The following FADS1 variants were observed in gnomAD, a reference collection of about 807,000 sequenced individuals.
The protein encoded by FADS1 is fatty acid desaturase 1, also known as acyl-CoA (8-3)-desaturase.
Under a neutral mutation model 61.6 loss-of-function variants are expected in FADS1, and 17 were observed. The ratio of observed to expected loss-of-function variants is 0.28; its 90% CI spans 0.19 to 0.41. FADS1 has a LOEUF of 0.41. Among genes scored for constraint, FADS1 ranks in the 10% least tolerant of loss-of-function variants. The pLI is 1.00. For missense variants in FADS1, 387 were observed against 650.9 expected (o/e 0.59, Z 4.41); for synonymous variants, 238 against 258.7 (o/e 0.92, Z 0.77).
intron 1 of FADS1, 52 bp from the exon 2 acceptor site, chr11:61,813,405 C>T (rs752844418): frequency 8.4e-6 from 9 of 1,077,828 alleles, no homozygotes; most frequent in South Asian, 3.8e-5. Context: ...CCCTGGACTC[C>T]GGCAGTGTTC....
Position 61,810,841 on chromosome 11 carries a change from C to T in FADS1, c.825G>A (p.Gln275=). The T allele has an allele frequency of 3.7e-6, 6 of 1,614,154 alleles. No individual in the cohort carries two copies. Among genetic ancestry groups the T allele is most frequent in the Non-Finnish European group, 5.1e-6 (6 of 1,180,026 alleles). The change falls in exon 5 of 12, where the codon CAG becomes CAA. Residue 275 remains glutamine, a synonymous_variant. Transcript: ENST00000350997. ...PASWWNHMHF[Q]HHAKPNCFRK... is the part of the protein sequence containing the mutation. ...GGAAGCAGTTGGGCTTGGCATGGTGCTGGAAGTGCATGTGGTTCCACCAAC... is the reference window on the plus strand; with the variant it reads ...GGAAGCAGTTGGGCTTGGCATGGTGTTGGAAGTGCATGTGGTTCCACCAAC...
At position 61,811,057 on chromosome 11, in the gene FADS1, G is replaced by GCAGC. The variant is rs1221243188; in HGVS notation, c.699_702dup (p.Gln235AlafsTer4). 6.2e-7 allele frequency: 1 copy of GCAGC among 1,613,356 alleles called. No homozygotes were observed. On this transcript the variant is annotated frameshift_variant, in exon 4 of 12. Transcript: ENST00000350997. LOFTEE classifies it high-confidence loss of function. ...ACCGACAGGTGCCCAAAGTCATGCT[G>GCAGC]CAGCCAGCCAGCCTGGGCCTAGGTG...
chr11:61,801,366 C>A lies in FADS1; in HGVS notation c.*1045G>T, dbSNP rs1191396680. On this transcript the variant is annotated 3_prime_UTR_variant, in exon 12 of 12. Transcript: ENST00000350997. ...AAAAGACTAACTTGTCCCATCTGCT[C>A]ACTTGCTTATGGAGCTAAAAGACCC... The A allele has an allele frequency of 6.6e-6, 1 of 152,328 alleles. No homozygotes were observed. The highest frequency in any genetic ancestry group is 1.5e-5 in the Non-Finnish European group (1 of 68,036). 9.4% of individuals were successfully genotyped at this position (152,328 alleles called of 1,614,324 possible). A position where few individuals can be genotyped will look rare whatever the true frequency, so the allele number is the denominator to read the frequency against.
In FADS1 at chr11:61,803,950, A is replaced by T; in HGVS notation, c.1054-183T>A. 3.3e-6 allele frequency: 2 copies of T among 604,304 alleles called. No individual in the cohort carries two copies. Among genetic ancestry groups the T allele is most frequent in the Non-Finnish European group, 5.9e-6 (2 of 338,444 alleles). 37.4% of individuals were successfully genotyped at this position (604,304 alleles called of 1,614,324 possible). ...GCTCCTTTCTTCCATTCCCATTGGC[A>T]CCCCCCAGCCCTTCTTGCATGTCCC... On this transcript the variant is annotated intron_variant, in intron 7 of 11. Transcript: ENST00000350997. This position sits in a 1 kb window ranked among gnomAD's most constrained non-coding sequence, Gnocchi z 4.3.
At chr11:61,813,825 C>T (rs530973451) in intron 1 of FADS1, among the ~76,000 whole-genome samples, 244 of 151,876 alleles carry the variant, frequency 1.6e-3, no homozygotes, top group African/African-American at 5.6e-3. Context: ...ATTAGCCGGG[C>T]GAGGTAGCGG....
rs901802052 is a variant in FADS1, at chr11:61,815,691, T to G, written c.375+864A>C. 1.9e-5 allele frequency: 3 copies of G among 155,096 alleles called. No homozygotes were observed. Among genetic ancestry groups the G allele is most frequent in the African/African-American group, 7.2e-5 (3 of 41,402 alleles). 9.6% of individuals were successfully genotyped at this position (155,096 alleles called of 1,614,324 possible). On this transcript the variant is annotated intron_variant, in intron 1 of 11. Transcript: ENST00000350997. This position sits in a 1 kb window ranked among gnomAD's most constrained non-coding sequence, Gnocchi z 6.4. ...GGGGCCTTAGCTCTGAGGGCTGTGG[T>G]CTAGAAAGGGAAGCAGCAGGCCTGG...
chr11:61,806,591 A>C (rs1591151272), intron 6 of FADS1, 73 bp downstream of exon 6: 1 of 1,348,132 alleles, frequency 7.4e-7, no homozygotes, highest in Non-Finnish European at 1.1e-6. Flanking sequence ...AATCCCTTGG[A>C]CAGCCACATC....
intron 5 of FADS1, among the ~76,000 whole-genome samples, chr11:61,808,538 G>C (rs555053794): frequency 6.6e-6 from 1 of 152,172 alleles, no homozygotes; most frequent in East Asian, 1.9e-4. Context: ...GGAGGGGCAG[G>C]GGACACTGCC....
chr11:61,809,500 G>A (rs777365709), intron 5 of FADS1, among the ~76,000 whole-genome samples: 10 of 152,072 alleles, frequency 6.6e-5, no homozygotes, highest in Non-Finnish European at 1.0e-4. Context: ...TGCCAACTGC[G>A]TCCCTTCATT....
rs577380024 is a variant in FADS1, at chr11:61,816,971, G to T, written c.-42C>A. The T allele has an allele frequency of 9.9e-5, 136 of 1,368,080 alleles. 2 individuals are homozygous for T. The South Asian group carries it at 2.2e-3, about 22-fold the overall frequency. The allele number at this position is 1,368,080 out of a possible 1,614,324, so 84.7% of individuals were successfully genotyped here. A position where few individuals can be genotyped will look rare whatever the true frequency, so the allele number is the denominator to read the frequency against. ...CGCGGGGAGCGAGATCCCGTCCCCCGGTGGGTCTTGGGCAACTCACAGCTG... is the reference window on the plus strand; with the variant it reads ...CGCGGGGAGCGAGATCCCGTCCCCCTGTGGGTCTTGGGCAACTCACAGCTG... On this transcript the variant is annotated 5_prime_UTR_variant, in exon 1 of 12. Transcript: ENST00000350997. This position sits in a 1 kb window ranked among gnomAD's most constrained non-coding sequence, Gnocchi z 7.0.
chr11:61,802,361 G>A lies in FADS1; in HGVS notation c.*50C>T. On this transcript the variant is annotated 3_prime_UTR_variant, in exon 12 of 12. Coordinates refer to ENST00000350997, the MANE Select transcript of FADS1 (RefSeq NM_013402.7). This position sits in a 1 kb window ranked among gnomAD's most constrained non-coding sequence, Gnocchi z 4.2. Reference sequence around the variant, plus strand: ...TGTCCCTCAAGCTCCCCTCTGCCTTGGCTCCAGAGTCTTCCTCCTCTTCTT... The same window carrying A: ...TGTCCCTCAAGCTCCCCTCTGCCTTAGCTCCAGAGTCTTCCTCCTCTTCTT... The A allele has an allele frequency of 6.7e-7, 1 of 1,496,002 alleles. No individual in the cohort carries two copies. 92.7% of individuals were successfully genotyped at this position (1,496,002 alleles called of 1,614,324 possible). A position where few individuals can be genotyped will look rare whatever the true frequency, so the allele number is the denominator to read the frequency against.
chr11:61,812,757 C>T, intron 2 of FADS1, 89 bp from the exon 3 acceptor site: 1 of 1,188,822 alleles, frequency 8.4e-7, no homozygotes, highest in Non-Finnish European at 1.2e-6. Context: ...AAGGACCTCC[C>T]ACTGAGGTAG....
At position 61,802,926 on chromosome 11, in the gene FADS1, A is replaced by G. The variant is rs746711717; in HGVS notation, c.1329T>C (p.His443=). The G allele has an allele frequency of 4.3e-6, 7 of 1,613,528 alleles. No individual in the cohort carries two copies. Among genetic ancestry groups the G allele is most frequent in the Non-Finnish European group, 4.2e-6 (5 of 1,179,590 alleles). ...SGHLNFQIEH[H]LFPTMPRHNY... ...TGTGTCGAGGCATCGTGGGAAAAAG[A>G]CTTTAGGGAGAACGGGGGAGTCAGT... Residue 443 remains histidine, a splice_region_variant and synonymous_variant, in exon 11 of 12, where the codon CAT becomes CAC. Transcript: ENST00000350997. This position sits in a 1 kb window ranked among gnomAD's most constrained non-coding sequence, Gnocchi z 4.2.
Position 61,808,324 on chromosome 11 carries a change from A to G in FADS1, c.916-1600T>C, listed in dbSNP as rs552022446. On this transcript the variant is annotated intron_variant, in intron 5 of 11. Transcript: ENST00000350997. ...GCACTTCAGCCTGGGTGACAGAGCGAGACTCTGTCTCAAAAAAAAAAAAAA... is the reference window on the plus strand; with the variant it reads ...GCACTTCAGCCTGGGTGACAGAGCGGGACTCTGTCTCAAAAAAAAAAAAAA... Among the ~76,000 whole-genome samples, 3 of 147,934 alleles carry G rather than the reference A, an allele frequency of 2.0e-5. No individual in the cohort carries two copies. The South Asian group carries it at 6.4e-4, about 32-fold the overall frequency.
In FADS1 at chr11:61,806,799, T is replaced by C. The variant is rs1591151408; in HGVS notation, c.916-75A>G. 7.6e-6 allele frequency: 11 copies of C among 1,442,950 alleles called. No homozygotes were observed. In the East Asian group the frequency reaches 2.5e-4, roughly 33 times the overall value. 89.4% of individuals were successfully genotyped at this position (1,442,950 alleles called of 1,614,324 possible). A position where few individuals can be genotyped will look rare whatever the true frequency, so the allele number is the denominator to read the frequency against. On this transcript the variant is annotated intron_variant, in intron 5 of 11. Coordinates refer to ENST00000350997, the MANE Select transcript of FADS1 (RefSeq NM_013402.7). Reference sequence around the variant, plus strand: ...CTCTGTGACTTGACCTTTCCTTGCTTGGAGGTTTAGGCCTCCTCCAGGGCT... The same window carrying C: ...CTCTGTGACTTGACCTTTCCTTGCTCGGAGGTTTAGGCCTCCTCCAGGGCT...
intron 2 of FADS1, 55 bp downstream of exon 2, chr11:61,813,188 C>T (rs1267432894): frequency 2.8e-6 from 3 of 1,064,108 alleles, no homozygotes; most frequent in Admixed American, 3.5e-5. Context: ...CTTCCACCCC[C>T]TCTCTGTCCC....
In FADS1 at chr11:61,816,937, G is replaced by A; in HGVS notation, c.-8C>T. On this transcript the variant is annotated 5_prime_UTR_variant, in exon 1 of 12. Transcript: ENST00000350997. This position sits in a 1 kb window ranked among gnomAD's most constrained non-coding sequence, Gnocchi z 7.0. ...CGCAGCGCGCGTTCCCATTGGCCGA[G>A]CCTCGTGGCGCGGGGAGCGAGATCC... The A allele has an allele frequency of 7.2e-7, 1 of 1,380,610 alleles. No individual in the cohort carries two copies. Among genetic ancestry groups the A allele is most frequent in the Non-Finnish European group, 9.3e-7 (1 of 1,076,204 alleles). 85.5% of individuals were successfully genotyped at this position (1,380,610 alleles called of 1,614,324 possible).
Position 61,816,031 on chromosome 11 carries a change from T to C in FADS1, c.375+524A>G. ...GGCAGCGGTCTCCCCAAGCTTCCCG[T>C]TTCAGCCCCATCCTCGAGAATGGGC... On this transcript the variant is annotated intron_variant, in intron 1 of 11. Coordinates refer to ENST00000350997, the MANE Select transcript of FADS1 (RefSeq NM_013402.7). The surrounding 1 kb of genome is among the most constrained non-coding windows in gnomAD (Gnocchi z 7.0). The C allele has an allele frequency of 8.9e-6, 5 of 560,506 alleles. No individual in the cohort carries two copies. Among genetic ancestry groups the C allele is most frequent in the Non-Finnish European group, 1.6e-5 (5 of 314,002 alleles). 34.7% of individuals were successfully genotyped at this position (560,506 alleles called of 1,614,324 possible).
Position 61,802,943 on chromosome 11 carries a change from G to A in FADS1, c.1329-17C>T. 6.2e-7 allele frequency: 1 copy of A among 1,612,884 alleles called. No individual in the cohort carries two copies. The highest frequency in any genetic ancestry group is 1.1e-5 in the South Asian group (1 of 90,994). On this transcript the variant is annotated splice_polypyrimidine_tract_variant and intron_variant, in intron 10 of 11. Transcript: ENST00000350997. The surrounding 1 kb of genome is among the most constrained non-coding windows in gnomAD (Gnocchi z 4.2). ...GGAAAAAGACTTTAGGGAGAACGGG[G>A]GAGTCAGTGGTTCCTGCTTCTCTGC...
Sources: allele counts gnomAD v4.1 joint callset (sites outside exome capture counted in the v4.1 genomes callset), GRCh38; gene constraint gnomAD v4.1.1; non-coding constraint Gnocchi (gnomAD v3.1); transcripts MANE v1.5; gene names NCBI Gene and HGNC (gene_info 2026-07-23, HGNC 2026-07-21).